Variants in SGIP1 observed in about 807,000 individuals in gnomAD.
SGIP1 encodes the protein SH3-containing GRB2-like protein 3-interacting protein 1.
SGIP1 carries 38 observed loss-of-function variants against 107.5 expected under a neutral mutation model. The ratio of observed to expected loss-of-function variants is 0.35; its 90% CI spans 0.27 to 0.46. The LOEUF is 0.46. SGIP1 is among the 20% of genes least tolerant of loss of function. The pLI is 1.00. For missense variants in SGIP1, 929 were observed against 1,019.5 expected (o/e 0.91, Z 1.21); for synonymous variants, 365 against 366.1 (o/e 1.00, Z 0.03).
intron 18 of SGIP1, among the ~76,000 whole-genome samples, chr1:66,703,873 T>A (rs2092245306): frequency 6.9e-6 from 1 of 144,710 alleles, no homozygotes; most frequent in Non-Finnish European, 1.5e-5. Context: ...GAAAAAGAAC[T>A]CTGTGTGTGT....
chr1:66,742,469 T>G (rs994124991), intron 24 of SGIP1, among the ~76,000 whole-genome samples: 1 of 70,654 alleles, frequency 1.4e-5, no homozygotes, highest in Non-Finnish European at 3.0e-5. Flanking sequence ...TCTTTTTTTT[T>G]TTTTTTTTTT....
chr1:66,633,054 T>C lies in SGIP1; in HGVS notation c.75-16T>C. On this transcript the variant is annotated splice_polypyrimidine_tract_variant and intron_variant, in intron 2 of 24. Coordinates refer to ENST00000371037, the MANE Select transcript of SGIP1 (RefSeq NM_032291.4). ...GATTCCTTATCATAATAGCTATCAA[T>C]TTCTTTTTGTTACAGAGGTTCACCA... The C allele has an allele frequency of 6.7e-7, 1 of 1,491,686 alleles. No individual in the cohort carries two copies. The allele number at this position is 1,491,686 out of a possible 1,614,324, so 92.4% of individuals were successfully genotyped here. A position where few individuals can be genotyped will look rare whatever the true frequency, so the allele number is the denominator to read the frequency against.
rs200198287 is a variant in SGIP1, at chr1:66,682,154, C to T, written c.1100C>T (p.Pro367Leu). 4.2e-5 allele frequency: 67 copies of T among 1,614,128 alleles called. No homozygotes were observed. The highest frequency in any genetic ancestry group is 1.1e-5 in the Non-Finnish European group (13 of 1,180,054). The change falls in exon 15 of 25, where the codon CCT (proline) becomes CTT (leucine). Residue 367 changes from proline to leucine, a missense_variant. By Grantham distance (98) the Pro-to-Leu change is moderately conservative. Around this residue, in one of 2 missense-constraint regions of SGIP1, gnomAD observed 588 missense variants for 588.6 expected, o/e 1.00. Transcript: ENST00000371037. ...PTGPPGPPGP[P>L]RNVLSPLNLE... Reference sequence around the variant, plus strand: ...GGCCCCCCAGGGCCTCCTGGGCCTCCTCGCAATGTACTATCGCCGCTCAAT... The same window carrying T: ...GGCCCCCCAGGGCCTCCTGGGCCTCTTCGCAATGTACTATCGCCGCTCAAT...
chr1:66,585,051 G>T (rs1010248046), intron 1 of SGIP1, among the ~76,000 whole-genome samples: 5 of 152,180 alleles, frequency 3.3e-5, no homozygotes, highest in African/African-American at 1.2e-4. Flanking sequence ...CTTGAACTAT[G>T]TTCCAGTCAC....
At chr1:66,735,154 T>A (rs1335866814) in intron 21 of SGIP1, among the ~76,000 whole-genome samples, 1 of 150,136 alleles carries the variant, frequency 6.7e-6, no homozygotes, top group Non-Finnish European at 1.5e-5. Context: ...GTAACCACCA[T>A]TCTACTCTCT....
At chr1:66,705,637 C>CT (rs1450839882) in intron 18 of SGIP1, among the ~76,000 whole-genome samples, 1 of 152,152 alleles carries the variant, frequency 6.6e-6, no homozygotes, top group Non-Finnish European at 1.5e-5. Flanking sequence ...TGCATTCTTC[C>CT]TACTTCTCCA....
intron 10 of SGIP1, among the ~76,000 whole-genome samples, chr1:66,671,724 T>C (rs12083409): frequency 0.063 from 9,600 of 152,228 alleles, 886 homozygotes; most frequent in African/African-American, 0.21. Flanking sequence ...CGGAAGTTCC[T>C]TAGTTAATGA....
At chr1:66,719,474 C>T (rs1252421990) in intron 19 of SGIP1, 69 bp downstream of exon 19, 10 of 1,197,240 alleles carry the variant, frequency 8.4e-6, no homozygotes, top group Non-Finnish European at 1.2e-5. Context: ...AGCCTAAATA[C>T]AACCTTTTCA....
intron 1 of SGIP1, among the ~76,000 whole-genome samples, chr1:66,585,986 C>G (rs1256201398): frequency 6.6e-6 from 1 of 152,134 alleles, no homozygotes; most frequent in Non-Finnish European, 1.5e-5. Context: ...GTGGATTTGT[C>G]TTTTTCTTCT....
intron 1 of SGIP1, among the ~76,000 whole-genome samples, chr1:66,579,963 T>C (rs546676006): frequency 5.9e-5 from 9 of 152,162 alleles, no homozygotes; most frequent in Non-Finnish European, 1.2e-4. Flanking sequence ...ACTGTCAGAA[T>C]ATGTCTCAGA....
At chr1:66,665,122 C>G (rs550115173) in intron 8 of SGIP1, among the ~76,000 whole-genome samples, 3 of 152,280 alleles carry the variant, frequency 2.0e-5, no homozygotes, top group Admixed American at 2.0e-4. Flanking sequence ...ATCCCTCCCC[C>G]ATCCACCACC....
At chr1:66,625,273 G>A (rs1332311801) in intron 1 of SGIP1, among the ~76,000 whole-genome samples, 1 of 152,194 alleles carries the variant, frequency 6.6e-6, no homozygotes, top group Non-Finnish European at 1.5e-5. Context: ...TCAACTGTAA[G>A]TAAGGACCGA....
intron 8 of SGIP1, among the ~76,000 whole-genome samples, chr1:66,663,951 A>G (rs1557523174): frequency 6.6e-6 from 1 of 152,160 alleles, no homozygotes; most frequent in African/African-American, 2.4e-5. Flanking sequence ...TTAATAATAA[A>G]GTGTCTTATA....
chr1:66,622,621 T>A (rs1000171265), intron 1 of SGIP1, among the ~76,000 whole-genome samples: 1 of 152,202 alleles, frequency 6.6e-6, no homozygotes, highest in Non-Finnish European at 1.5e-5. Context: ...TAAAGGAATC[T>A]GAATTTGGTG....
intron 9 of SGIP1, among the ~76,000 whole-genome samples, chr1:66,669,181 T>C (rs1481768631): frequency 1.3e-5 from 2 of 152,254 alleles, no homozygotes; most frequent in African/African-American, 2.4e-5. Flanking sequence ...AACTTGAGAT[T>C]GTTCATTCAT....
At chr1:66,728,985 GA>G (rs536974574) in intron 19 of SGIP1, among the ~76,000 whole-genome samples, 44 of 146,832 alleles carry the variant, frequency 3.0e-4, no homozygotes, top group Admixed American at 1.8e-3. Flanking sequence ...GAAAAGTTCA[GA>G]AAAAAAAAAC....
rs558684402 is a variant in SGIP1 at position 66,683,123 on chromosome 1, TTG to T, written c.1315+760_1315+761del. ...TCTTTTGCTTATTTGAAGCTTCATT[TTG>T]TGTGTTTTAATTATGAAAGTATAGT... is the stretch of plus-strand genomic sequence containing the variant. On this transcript the variant is annotated intron_variant, in intron 15 of 24. Transcript: ENST00000371037. 3.9e-3 allele frequency among the ~76,000 whole-genome samples: 590 copies of T among 152,294 alleles called. 1 individual carries two copies. Among genetic ancestry groups the T allele is most frequent in the African/African-American group, 0.013 (555 of 41,574 alleles).
intron 18 of SGIP1, among the ~76,000 whole-genome samples, chr1:66,710,901 C>T (rs923758535): frequency 1.3e-5 from 2 of 152,120 alleles, no homozygotes; most frequent in Admixed American, 6.6e-5. Context: ...CTAAGAGACC[C>T]TCGGAATAAT....
chr1:66,589,578 A>C (rs1432062828), intron 1 of SGIP1, among the ~76,000 whole-genome samples: 1 of 152,010 alleles, frequency 6.6e-6, no homozygotes, highest in African/African-American at 2.4e-5. Context: ...CCAGCTTCCA[A>C]ACAATGCCTG....
Sources: gnomAD v4.1 joint callset for allele counts (sites outside exome capture counted in the v4.1 genomes callset) on GRCh38, gnomAD v4.1.1 for gene constraint, gnomAD v4.1.1 regional missense constraint, MANE v1.5 for transcripts, NCBI Gene and HGNC (gene_info 2026-07-23, HGNC 2026-07-21) for gene names.